Variants in CDH12 observed in about 807,000 individuals in gnomAD.
CDH12 encodes cadherin 12.
A neutral mutation model predicts 74.1 loss-of-function variants in CDH12; 41 were observed. The observed-to-expected ratio is 0.55, with a 90% CI of 0.43 to 0.72. The LOEUF is 0.72. Ranked by LOEUF, CDH12 falls within the 30% of genes least tolerant of loss-of-function variation. The pLI, the probability that CDH12 is intolerant of heterozygous loss-of-function variation, is 0.00. For synonymous variants in CDH12, 399 were observed against 355.0 expected, an observed-to-expected ratio of 1.12 and a Z score of -1.39; for missense variants, 945 against 977.2, an observed-to-expected ratio of 0.97 and a Z score of 0.44.
intron 5 of CDH12, among the ~76,000 whole-genome samples, chr5:22,012,386 A>C (rs963974536): frequency 6.6e-6 from 1 of 152,170 alleles, no homozygotes; most frequent in South Asian, 2.1e-4. Flanking sequence ...AAAGAGAAAA[A>C]TGATAAGTTA....
At chr5:22,245,049 C>G (rs1752900072) in intron 3 of CDH12, among the ~76,000 whole-genome samples, 1 of 152,120 alleles carries the variant, frequency 6.6e-6, no homozygotes, top group Admixed American at 6.5e-5. Context: ...TGCGGCAGAG[C>G]ACGCACGAGG....
At chr5:21,840,504 A>T (rs1256023464) in intron 8 of CDH12, among the ~76,000 whole-genome samples, 1 of 151,886 alleles carries the variant, frequency 6.6e-6, no homozygotes, top group African/African-American at 2.4e-5. Context: ...GGAAAAAACT[A>T]CTTTAAAGTT....
chr5:22,721,972 C>T (rs945513357), intron 1 of CDH12, among the ~76,000 whole-genome samples: 20 of 152,164 alleles, frequency 1.3e-4, no homozygotes, highest in African/African-American at 4.3e-4. Flanking sequence ...TATAAATTAC[C>T]CAGCCTTAGG....
At chr5:22,529,387 T>G (rs1737479941) in intron 1 of CDH12, among the ~76,000 whole-genome samples, 1 of 151,828 alleles carries the variant, frequency 6.6e-6, no homozygotes, top group Non-Finnish European at 1.5e-5. Context: ...TGATGCAGTC[T>G]CAGCCTAAAT....
intron 6 of CDH12, among the ~76,000 whole-genome samples, chr5:21,954,599 C>G (rs1037816833): frequency 6.6e-6 from 1 of 152,056 alleles, no homozygotes; most frequent in African/African-American, 2.4e-5. Flanking sequence ...AAAACTTCAT[C>G]CTAAAACTCT....
intron 5 of CDH12, among the ~76,000 whole-genome samples, chr5:21,986,890 C>T (rs1202923221): frequency 1.3e-5 from 2 of 151,920 alleles, no homozygotes; most frequent in Non-Finnish European, 2.9e-5. Context: ...TTAATTTTGA[C>T]TAACCACTGA....
intron 4 of CDH12, among the ~76,000 whole-genome samples, chr5:22,167,300 T>C (rs1362536612): frequency 6.6e-6 from 1 of 152,214 alleles, no homozygotes; most frequent in African/African-American, 2.4e-5. Flanking sequence ...GCCAATCAAG[T>C]AAATCATTCA....
intron 2 of CDH12, among the ~76,000 whole-genome samples, chr5:22,416,985 G>T (rs916587892): frequency 6.6e-6 from 1 of 152,120 alleles, no homozygotes; most frequent in East Asian, 1.9e-4. Flanking sequence ...TACATTTGAT[G>T]TTCTTAAACA....
chr5:21,931,543 T>G (rs530297689), intron 6 of CDH12, among the ~76,000 whole-genome samples: 1 of 152,260 alleles, frequency 6.6e-6, no homozygotes, highest in East Asian at 1.9e-4. Flanking sequence ...ATGTCACATG[T>G]TTTTTCAATG....
chr5:22,082,143 G>T (rs907449913), intron 4 of CDH12, among the ~76,000 whole-genome samples: 1 of 152,124 alleles, frequency 6.6e-6, no homozygotes, highest in Non-Finnish European at 1.5e-5. Flanking sequence ...AGTTTTGGGA[G>T]GTGGGACAGC....
chr5:22,756,027 T>C (rs954565125), intron 1 of CDH12, among the ~76,000 whole-genome samples: 3 of 146,176 alleles, frequency 2.1e-5, no homozygotes, highest in African/African-American at 7.6e-5. Context: ...AAATCTCCCC[T>C]GAAAAATTCC....
chr5:21,801,072 T>C (rs1172034019), intron 10 of CDH12, among the ~76,000 whole-genome samples: 1 of 152,170 alleles, frequency 6.6e-6, no homozygotes, highest in Admixed American at 6.5e-5. Flanking sequence ...TAGAACTGAC[T>C]GAGGTAGTAT....
chr5:21,896,875 C>G (rs113525812), intron 6 of CDH12, among the ~76,000 whole-genome samples: 1 of 151,984 alleles, frequency 6.6e-6, no homozygotes, highest in Non-Finnish European at 1.5e-5. Context: ...AATTTGTCTA[C>G]AAGCACATGT....
In CDH12 at chr5:21,947,663, A is replaced by C. The variant is rs867248149; in HGVS notation, c.526+27428T>G. 2.1e-4 allele frequency among the ~76,000 whole-genome samples: 32 copies of C among 152,190 alleles called. 1 individual carries two copies. The highest frequency in any genetic ancestry group is 6.5e-4 in the African/African-American group (27 of 41,454). The stretch of plus-strand genomic sequence containing the variant: ...AGTAGAAAAGAAAAACCCATTTTTC[A>C]GGGGAGGAATTCAAGCTGGCTACAG... On this transcript the variant is annotated intron_variant, in intron 6 of 14. Coordinates refer to ENST00000382254, the MANE Select transcript of CDH12 (RefSeq NM_004061.5).
chr5:22,133,114 A>G (rs1422941253), intron 4 of CDH12, among the ~76,000 whole-genome samples: 1 of 152,126 alleles, frequency 6.6e-6, no homozygotes, highest in Non-Finnish European at 1.5e-5. Flanking sequence ...GATAATAAAT[A>G]AAATTGTTTT....
chr5:22,048,956 A>C (rs568230105), intron 5 of CDH12, among the ~76,000 whole-genome samples: 3 of 152,250 alleles, frequency 2.0e-5, no homozygotes, highest in Admixed American at 2.0e-4. Flanking sequence ...TAATCCATTC[A>C]TACTCCAAAA....
At chr5:22,293,723 A>G (rs951555228) in intron 3 of CDH12, among the ~76,000 whole-genome samples, 3 of 152,186 alleles carry the variant, frequency 2.0e-5, no homozygotes, top group African/African-American at 7.2e-5. Context: ...CCATTATTTT[A>G]AGTGCAATAA....
chr5:22,014,037 G>A (rs1343944385), intron 5 of CDH12, among the ~76,000 whole-genome samples: 1 of 152,056 alleles, frequency 6.6e-6, no homozygotes, highest in Non-Finnish European at 1.5e-5. Context: ...ACCCAGCCTG[G>A]CCCACATGGT....
chr5:22,792,025 C>T (rs1747933800), intron 1 of CDH12, among the ~76,000 whole-genome samples: 1 of 150,762 alleles, frequency 6.6e-6, no homozygotes, highest in East Asian at 2.0e-4. Context: ...ATTTTAGTCA[C>T]ATAAACAATG....
Sources: allele counts gnomAD v4.1 joint callset (sites outside exome capture counted in the v4.1 genomes callset), GRCh38; gene constraint gnomAD v4.1.1; transcripts MANE v1.5; gene names NCBI Gene and HGNC (gene_info 2026-07-23, HGNC 2026-07-21).